Variants in GLIS3 observed in about 807,000 individuals in gnomAD.
The protein encoded by GLIS3 is GLIS family zinc finger 3.
Under a neutral mutation model 78.6 loss-of-function variants are expected in GLIS3, and 53 were observed. That is an observed-to-expected ratio of 0.67 (90% CI 0.54 to 0.85). The LOEUF is 0.85. Among genes scored for constraint, GLIS3 ranks in the 40% least tolerant of loss-of-function variants. The probability of loss-of-function intolerance (pLI) is 0.00; values close to 1 mark genes in which losing one functional copy is unlikely to be tolerated. For synonymous variants in GLIS3, 684 were observed against 509.9 expected (o/e 1.34, Z -4.60); for missense variants, 1,703 against 1,231.1 (o/e 1.38, Z -5.74).
chr9:4,217,268 T>C (rs978037108), intron 2 of GLIS3, among the ~76,000 whole-genome samples: 2 of 152,218 alleles, frequency 1.3e-5, no homozygotes, highest in African/African-American at 2.4e-5. Flanking sequence ...CACTCATTCA[T>C]TCAGCTCAGG....
chr9:4,340,216 G>A (rs1372722861), intron 2 of GLIS3, among the ~76,000 whole-genome samples: 2 of 150,538 alleles, frequency 1.3e-5, no homozygotes, highest in Non-Finnish European at 2.9e-5. Flanking sequence ...AACAGAGTTA[G>A]TATGTATTTT....
At chr9:3,949,392 C>T (rs1235036255) in intron 4 of GLIS3, among the ~76,000 whole-genome samples, 1 of 152,180 alleles carries the variant, frequency 6.6e-6, no homozygotes. Flanking sequence ...CATCTGTGAG[C>T]CACTCAGAAG....
At chr9:4,053,950 T>C (rs1288720271) in intron 4 of GLIS3, among the ~76,000 whole-genome samples, 1 of 152,216 alleles carries the variant, frequency 6.6e-6, no homozygotes, top group Admixed American at 6.5e-5. Flanking sequence ...TGTTCTGTTT[T>C]GTTTATCAAA....
chr9:4,395,646 G>T, the GLIS3 span, among the ~76,000 whole-genome samples: 1 of 152,138 alleles, frequency 6.6e-6, no homozygotes, highest in East Asian at 1.9e-4. Flanking sequence ...TCCAGCCTTT[G>T]CCAAGTGCTC....
intron 6 of GLIS3, among the ~76,000 whole-genome samples, chr9:3,918,877 A>G (rs980843842): frequency 2.0e-5 from 3 of 152,260 alleles, no homozygotes; most frequent in Admixed American, 6.5e-5. Context: ...AAATGCCACA[A>G]TGACCAATGT....
At chr9:4,204,817 G>C (rs1819718407) in intron 2 of GLIS3, among the ~76,000 whole-genome samples, 1 of 152,028 alleles carries the variant, frequency 6.6e-6, no homozygotes, top group Non-Finnish European at 1.5e-5. Flanking sequence ...GGGAGGCTGA[G>C]GCAGAAGAAT....
the GLIS3 span, among the ~76,000 whole-genome samples, chr9:4,447,199 C>T: frequency 9.9e-5 from 15 of 152,198 alleles, no homozygotes; most frequent in East Asian, 7.7e-4. Flanking sequence ...AGGCATGTGC[C>T]ACCATGCCTG....
intron 2 of GLIS3, among the ~76,000 whole-genome samples, chr9:4,163,681 A>C (rs78692649): frequency 0.029 from 4,391 of 152,314 alleles, 62 homozygotes; most frequent in Non-Finnish European, 0.036. Context: ...ACACTTCAGT[A>C]TTCTGAAATA....
At chr9:4,249,542 T>C (rs1276514272) in intron 2 of GLIS3, among the ~76,000 whole-genome samples, 1 of 152,228 alleles carries the variant, frequency 6.6e-6, no homozygotes, top group African/African-American at 2.4e-5. Context: ...GTTTCCTAAA[T>C]ATACAATCAT....
intron 2 of GLIS3, among the ~76,000 whole-genome samples, chr9:4,144,001 C>T (rs1249867026): frequency 6.6e-6 from 1 of 152,126 alleles, no homozygotes; most frequent in Non-Finnish European, 1.5e-5. Flanking sequence ...TAGTGAGCAC[C>T]TTAGTATGGA....
intron 2 of GLIS3, among the ~76,000 whole-genome samples, chr9:4,183,208 T>C (rs1281756346): frequency 1.3e-5 from 2 of 152,162 alleles, no homozygotes; most frequent in Admixed American, 6.6e-5. Context: ...AGGTGGTAGA[T>C]ATCATAGGAA....
chr9:4,387,312 C>T, the GLIS3 span, among the ~76,000 whole-genome samples: 810 of 152,094 alleles, frequency 5.3e-3, 5 homozygotes, highest in African/African-American at 0.018. Context: ...TTTTAATTCC[C>T]CCTTTTTTTG....
At chr9:3,851,595 C>T (rs1184337328) in intron 9 of GLIS3, among the ~76,000 whole-genome samples, 1 of 152,088 alleles carries the variant, frequency 6.6e-6, no homozygotes, top group Non-Finnish European at 1.5e-5. Flanking sequence ...TTACAAAATG[C>T]CGCAACAAAA....
intron 2 of GLIS3, among the ~76,000 whole-genome samples, chr9:4,256,169 C>A (rs915851020): frequency 1.3e-5 from 2 of 152,008 alleles, no homozygotes; most frequent in African/African-American, 4.8e-5. Context: ...AGGTAAAGCA[C>A]CTCTATTAAA....
the GLIS3 span, among the ~76,000 whole-genome samples, chr9:4,379,530 TATAAG>T: frequency 1.3e-5 from 2 of 152,200 alleles, no homozygotes; most frequent in East Asian, 1.9e-4. Context: ...TGGAAATGCT[TATAAG>T]ATGTTTTTAG....
rs578205135 is a variant in GLIS3 at position 4,271,663 on chromosome 9, C to T, written c.388+14375G>A. Among the ~76,000 whole-genome samples, 21 of 152,182 alleles carry T rather than the reference C, an allele frequency of 1.4e-4. 1 individual carries two copies. Among genetic ancestry groups the T allele is most frequent in the East Asian group, 1.3e-3 (7 of 5,188 alleles). ...CCCCCTGGATTTTTATAATTAAATC[C>T]CCTTTTACCTAAGGTAGCACAGTGG... On this transcript the variant is annotated intron_variant, in intron 2 of 10. Transcript: ENST00000381971.
At chr9:4,394,815 G>A in the GLIS3 span, among the ~76,000 whole-genome samples, 1 of 152,106 alleles carries the variant, frequency 6.6e-6, no homozygotes, top group Non-Finnish European at 1.5e-5. Flanking sequence ...AGCTCTCCCT[G>A]TATTATAGCA....
chr9:4,135,023 G>GA (rs1057334957), intron 2 of GLIS3, among the ~76,000 whole-genome samples: 9 of 150,088 alleles, frequency 6.0e-5, no homozygotes, highest in East Asian at 3.9e-4. Context: ...TCCTCTATCA[G>GA]AAAAAAAAAG....
At chr9:4,392,225 C>T in the GLIS3 span, among the ~76,000 whole-genome samples, 1 of 151,410 alleles carries the variant, frequency 6.6e-6, no homozygotes, top group South Asian at 2.1e-4. Flanking sequence ...GAACAACACA[C>T]ACTAGGGCCT....
Sources: gnomAD v4.1 joint callset for allele counts (sites outside exome capture counted in the v4.1 genomes callset) on GRCh38, gnomAD v4.1.1 for gene constraint, MANE v1.5 for transcripts, NCBI Gene and HGNC (gene_info 2026-07-23, HGNC 2026-07-21) for gene names.